The following NIPBL variants were observed in gnomAD, a reference collection of about 807,000 sequenced individuals.
The protein encoded by NIPBL is nipped-B-like protein.
A neutral mutation model predicts 321.8 loss-of-function variants in NIPBL; 19 were observed. That is an observed-to-expected ratio of 0.06 (90% CI 0.04 to 0.09). The LOEUF (loss-of-function observed/expected upper bound fraction) is 0.09, where lower values mean the gene tolerates loss of function less well. Ranked by LOEUF, NIPBL falls within the 10% of genes least tolerant of loss-of-function variation. NIPBL has a pLI of 1.00. For missense variants in NIPBL, 2,210 were observed against 3,327.0 expected (o/e 0.66, Z 8.26); for synonymous variants, 1,106 against 1,114.1 (o/e 0.99, Z 0.14).
intron 44 of NIPBL, among the ~76,000 whole-genome samples, chr5:37,060,430 C>CT (rs759251502): frequency 7.3e-4 from 111 of 152,316 alleles, no homozygotes; most frequent in Non-Finnish European, 1.2e-3. Flanking sequence ...TCCCAAAACT[C>CT]TGAGATTATA....
At chr5:36,878,448 C>T (rs1745258785) in intron 1 of NIPBL, among the ~76,000 whole-genome samples, 1 of 152,122 alleles carries the variant, frequency 6.6e-6, no homozygotes, top group African/African-American at 2.4e-5. Context: ...ATTTAAAATT[C>T]CTCAGTCAGG....
intron 1 of NIPBL, among the ~76,000 whole-genome samples, chr5:36,889,079 A>G (rs1291358743): frequency 4.6e-5 from 7 of 152,126 alleles, no homozygotes; most frequent in Non-Finnish European, 8.8e-5. Flanking sequence ...AATGAATTTG[A>G]ATATATTTTC....
At chr5:36,953,786 T>A in intron 2 of NIPBL, 26 bp downstream of exon 2, 1 of 1,555,600 alleles carries the variant, frequency 6.4e-7, no homozygotes, top group Non-Finnish European at 8.9e-7. Context: ...TTATCTAATT[T>A]AAGTTCTACT....
intron 9 of NIPBL, chr5:36,982,166 A>G: frequency 2.1e-6 from 2 of 930,788 alleles, no homozygotes. Context: ...TTTCTTTAGG[A>G]ATATATGTAT....
chr5:37,021,200 G>C (rs1438530359), intron 27 of NIPBL, among the ~76,000 whole-genome samples: 1 of 152,186 alleles, frequency 6.6e-6, no homozygotes, highest in Non-Finnish European at 1.5e-5. Context: ...TCGGGAGGCT[G>C]AGGCCGGAGA....
chr5:37,049,389 C>T (rs942946076), intron 40 of NIPBL, 88 bp downstream of exon 40: 2 of 1,345,062 alleles, frequency 1.5e-6, no homozygotes, highest in Non-Finnish European at 2.1e-6. Flanking sequence ...ATAAGTAGTT[C>T]TTCGTTCCTC....
chr5:37,005,163 G>A lies in NIPBL; in HGVS notation c.3856-1194G>A, dbSNP rs77635197. Among the ~76,000 whole-genome samples the A allele has an allele frequency of 7.6e-4, 115 of 152,152 alleles. No homozygotes were observed. In the East Asian group the frequency reaches 0.018, roughly 23 times the overall value. On this transcript the variant is annotated intron_variant, in intron 16 of 46. Transcript: ENST00000282516. ...CAATTCTTCTTCCACTGTGGCCCAG[G>A]GAAGCCAAAAGATTGGACACTTCTG...
At chr5:36,998,419 C>G (rs1746397561) in intron 11 of NIPBL, among the ~76,000 whole-genome samples, 1 of 152,094 alleles carries the variant, frequency 6.6e-6, no homozygotes, top group South Asian at 2.1e-4. Flanking sequence ...CTATAAGATT[C>G]TTCAAGCATT....
intron 42 of NIPBL, among the ~76,000 whole-genome samples, chr5:37,053,936 G>A (rs300057): frequency 0.041 from 6,249 of 152,210 alleles, 430 homozygotes; most frequent in African/African-American, 0.14. Flanking sequence ...GGTGACTCAC[G>A]CCTGTAATCC....
chr5:36,882,638 A>G (rs1745590693), intron 1 of NIPBL, among the ~76,000 whole-genome samples: 1 of 151,996 alleles, frequency 6.6e-6, no homozygotes, highest in Non-Finnish European at 1.5e-5. Flanking sequence ...TAAGAAACTT[A>G]TTCAGGGTAG....
At chr5:37,006,100 A>G (rs1157545631) in intron 16 of NIPBL, among the ~76,000 whole-genome samples, 1 of 152,146 alleles carries the variant, frequency 6.6e-6, no homozygotes, top group Non-Finnish European at 1.5e-5. Flanking sequence ...CACAAAGGAT[A>G]TAAAGATAAT....
intron 12 of NIPBL, 120 bp downstream of exon 12, chr5:37,000,690 T>C: frequency 7.7e-7 from 1 of 1,301,900 alleles, no homozygotes; most frequent in East Asian, 2.5e-5. Context: ...AAGACAAAAA[T>C]ACTTAGTTTC....
At chr5:37,013,099 A>G (rs1206847793) in intron 21 of NIPBL, among the ~76,000 whole-genome samples, 5 of 133,094 alleles carry the variant, frequency 3.8e-5, no homozygotes, top group Admixed American at 7.6e-5. Context: ...GGGGCTCCTC[A>G]CTTCCCAGTA....
chr5:37,052,084 C>T (rs752164275), intron 41 of NIPBL, among the ~76,000 whole-genome samples, 198 bp downstream of exon 41: 14 of 152,012 alleles, frequency 9.2e-5, no homozygotes, highest in Non-Finnish European at 1.6e-4. Context: ...GGTGACAGTA[C>T]CAAGCACACC....
At chr5:36,978,299 G>T (rs779826812) in intron 9 of NIPBL, among the ~76,000 whole-genome samples, 4 of 151,992 alleles carry the variant, frequency 2.6e-5, no homozygotes, top group Non-Finnish European at 4.4e-5. Context: ...TCTGACTGGT[G>T]TAAGATTGTA....
At chr5:37,055,209 G>A (rs1753969895) in intron 42 of NIPBL, among the ~76,000 whole-genome samples, 1 of 152,068 alleles carries the variant, frequency 6.6e-6, no homozygotes, top group Admixed American at 6.6e-5. Context: ...AAATTAGCCA[G>A]GCATGATGGC....
At chr5:36,958,791 C>G (rs1246096791) in intron 4 of NIPBL, among the ~76,000 whole-genome samples, 1 of 152,168 alleles carries the variant, frequency 6.6e-6, no homozygotes, top group Non-Finnish European at 1.5e-5. Context: ...GAGCATTGTT[C>G]TGTTCAAGCT....
intron 1 of NIPBL, among the ~76,000 whole-genome samples, chr5:36,877,797 A>G (rs1047514218): frequency 5.9e-5 from 9 of 152,166 alleles, no homozygotes; most frequent in Non-Finnish European, 1.3e-4. Flanking sequence ...ATAAAGACTC[A>G]TTTTCTTTTT....
rs1361069716 is a variant in NIPBL at position 36,877,075 on chromosome 5, G to A, written c.-183G>A. The A allele has an allele frequency of 2.8e-6, 1 of 360,348 alleles. No homozygotes were observed. The highest frequency in any genetic ancestry group is 4.9e-6 in the Non-Finnish European group (1 of 202,662). 22.3% of individuals were successfully genotyped at this position (360,348 alleles called of 1,614,324 possible). A position where few individuals can be genotyped will look rare whatever the true frequency, so the allele number is the denominator to read the frequency against. ...GGCTCTACATGTTCCCCGCACTGAG[G>A]AGACGGAAGAGGAGCCGTAGCCACC... On this transcript the variant is annotated 5_prime_UTR_variant, in exon 1 of 47. Coordinates refer to ENST00000282516, the MANE Select transcript of NIPBL (RefSeq NM_133433.4).
Sources: gnomAD v4.1 joint callset for allele counts (sites outside exome capture counted in the v4.1 genomes callset) on GRCh38, gnomAD v4.1.1 for gene constraint, MANE v1.5 for transcripts, NCBI Gene and HGNC (gene_info 2026-07-23, HGNC 2026-07-21) for gene names.